CNDP2: variants seen among roughly 807,000 people sequenced by gnomAD.
The protein encoded by CNDP2 is carnosine dipeptidase 2, also known as cytosolic non-specific dipeptidase.
A neutral mutation model predicts 55.0 loss-of-function variants in CNDP2; 38 were observed. That is an observed-to-expected ratio of 0.69 (90% CI 0.53 to 0.90). CNDP2 has a LOEUF of 0.90. CNDP2 is among the 40% of genes least tolerant of loss of function. The probability of loss-of-function intolerance (pLI) is 0.00; values close to 1 mark genes in which losing one functional copy is unlikely to be tolerated. For missense variants in CNDP2, 607 were observed against 621.7 expected (o/e 0.98, Z 0.25); for synonymous variants, 241 against 260.2 (o/e 0.93, Z 0.71).
At chr18:74,502,160 A>G (rs12608037) in intron 3 of CNDP2, among the ~76,000 whole-genome samples, 28,149 of 152,196 alleles carry the variant, frequency 0.18, 2,808 homozygotes, top group East Asian at 0.29. Context: ...TGCTAGGATT[A>G]CAGGTGTGAG....
chr18:74,520,083 G>A lies in CNDP2; in HGVS notation c.*15G>A. 6.2e-7 allele frequency: 1 copy of A among 1,613,872 alleles called. No individual in the cohort carries two copies. Among genetic ancestry groups the A allele is most frequent in the Non-Finnish European group, 8.5e-7 (1 of 1,179,780 alleles). On this transcript the variant is annotated 3_prime_UTR_variant, in exon 12 of 12. Coordinates refer to ENST00000324262, the MANE Select transcript of CNDP2 (RefSeq NM_018235.3). ...TGAAGGACTAGGCCAAGCCCTCTGT[G>A]TGCCATCTCCAATGAGAAGGAATCC... is the stretch of plus-strand genomic sequence containing the variant.
rs368612111 is a variant in CNDP2 at position 74,516,361 on chromosome 18, C to T, written c.1037C>T (p.Pro346Leu). 94 of 1,613,380 alleles carry T rather than the reference C, an allele frequency of 5.8e-5. No individual in the cohort carries two copies. Among genetic ancestry groups the T allele is most frequent in the Admixed American group, 1.3e-4 (8 of 59,918 alleles). Residue 346 changes from proline (P) to leucine (L), a missense_variant, in exon 9 of 12, where the codon CCG becomes CTG. Coordinates refer to ENST00000324262, the MANE Select transcript of CNDP2 (RefSeq NM_018235.3). ...GGCAAGTTCTCCATCAGGCTCGTGC[C>T]GAACATGACTCCTGAAGTCGTCGGC... ...VVGKFSIRLV[P>L]NMTPEVVGEQ... is the part of the protein sequence containing the mutation.
At chr18:74,514,979 G>A (rs1277065078) in intron 8 of CNDP2, among the ~76,000 whole-genome samples, 1 of 152,180 alleles carries the variant, frequency 6.6e-6, no homozygotes, top group African/African-American at 2.4e-5. Flanking sequence ...GAGGGTCATG[G>A]TGCTGGGAGC....
rs370330885 is a variant in CNDP2, at chr18:74,518,933, T to C, written c.1211-16T>C. 48 of 1,537,916 alleles carry C rather than the reference T, an allele frequency of 3.1e-5. No homozygotes were observed. The highest frequency in any genetic ancestry group is 4.1e-5 in the Non-Finnish European group (47 of 1,149,008). ...GCCCCAAAGCTCACCGTTTATTTTA[T>C]TTCATTTCCCCCCAGTTTTTGGTGT... On this transcript the variant is annotated splice_polypyrimidine_tract_variant and intron_variant, in intron 10 of 11. Transcript: ENST00000324262.
intron 9 of CNDP2, 39 bp from the exon 10 acceptor site, chr18:74,518,460 T>C: frequency 6.2e-7 from 1 of 1,611,856 alleles, no homozygotes; most frequent in Non-Finnish European, 8.5e-7. Flanking sequence ...AATGCAAGCT[T>C]ATAAAGCATT....
intron 5 of CNDP2, chr18:74,509,166 T>C: frequency 2.0e-6 from 1 of 495,714 alleles, no homozygotes; most frequent in Non-Finnish European, 3.7e-6. Context: ...TATTGGCGAC[T>C]CAGCGTGATT....
chr18:74,505,325 G>A (rs565296539), intron 3 of CNDP2: 3 of 152,534 alleles, frequency 2.0e-5, no homozygotes, highest in African/African-American at 7.2e-5. Context: ...CCAGCCAGGT[G>A]CAGTGGCTCA....
rs890334 is a variant in CNDP2 at position 74,521,136 on chromosome 18, A to G, written c.*1068A>G. Reference sequence around the variant, plus strand: ...ATGACACCTCTAAAAGAATCGCTCCATCTCAGTTGCTCGTCGCGTGCACAC... The same window carrying G: ...ATGACACCTCTAAAAGAATCGCTCCGTCTCAGTTGCTCGTCGCGTGCACAC... On this transcript the variant is annotated 3_prime_UTR_variant, in exon 12 of 12. Transcript: ENST00000324262. 0.95 allele frequency: 144,796 copies of G among 152,280 alleles called. 69,175 individuals are homozygous for G. The highest frequency in any genetic ancestry group is 1 in the South Asian group (4,828 of 4,830). The allele number at this position is 152,280 out of a possible 1,614,324, so 9.4% of individuals were successfully genotyped here.
At chr18:74,519,180 C>T in intron 11 of CNDP2, 84 bp downstream of exon 11, 2 of 1,485,368 alleles carry the variant, frequency 1.3e-6, no homozygotes, top group East Asian at 2.3e-5. Flanking sequence ...TGTGCAGCTG[C>T]CAAGAGAAGC....
intron 8 of CNDP2, among the ~76,000 whole-genome samples, chr18:74,515,975 C>G (rs899345539): frequency 2.0e-5 from 3 of 152,226 alleles, no homozygotes; most frequent in Non-Finnish European, 2.9e-5. Context: ...TGGACCTGAG[C>G]CACCCACGCT....
intron 3 of CNDP2, among the ~76,000 whole-genome samples, chr18:74,502,810 G>A (rs1044658621): frequency 6.6e-6 from 1 of 152,142 alleles, no homozygotes; most frequent in Admixed American, 6.5e-5. Flanking sequence ...CAGCGCATTC[G>A]TTTCATCAGA....
intron 9 of CNDP2, 111 bp downstream of exon 9, chr18:74,516,503 T>A: frequency 9.2e-7 from 1 of 1,091,268 alleles, no homozygotes; most frequent in South Asian, 1.7e-5. Flanking sequence ...ATGCCCCCGC[T>A]TCCTGGCTCT....
Position 74,522,616 on chromosome 18 carries a change from GC to G in CNDP2, c.*2549del, listed in dbSNP as rs1166951941. 2.0e-5 allele frequency: 3 copies of G among 152,328 alleles called. No individual in the cohort carries two copies. Among genetic ancestry groups the G allele is most frequent in the Non-Finnish European group, 4.4e-5 (3 of 68,112 alleles). The allele number at this position is 152,328 out of a possible 1,614,324, so 9.4% of individuals were successfully genotyped here. On this transcript the variant is annotated 3_prime_UTR_variant, in exon 12 of 12. Transcript: ENST00000324262. ...GAGTGGGCTTGTTTGGCCTCCTCTT[GC>G]TCTCTCTACCCCTCTCTGAGCCCTT...
chr18:74,502,414 A>G (rs1443259903), intron 3 of CNDP2, among the ~76,000 whole-genome samples: 1 of 151,748 alleles, frequency 6.6e-6, no homozygotes, highest in Admixed American at 6.6e-5. Flanking sequence ...CTATCCATGA[A>G]GTTGAGTGAG....
chr18:74,508,550 A>G, intron 4 of CNDP2: 2 of 348,112 alleles, frequency 5.7e-6, no homozygotes, highest in South Asian at 9.3e-5. Flanking sequence ...GTTAGACTGG[A>G]GGTCTCCACC....
chr18:74,516,277 G>A lies in CNDP2; in HGVS notation c.953G>A (p.Gly318Asp). The A allele has an allele frequency of 1.2e-6, 2 of 1,614,042 alleles. No individual in the cohort carries two copies. Among genetic ancestry groups the A allele is most frequent in the Non-Finnish European group, 1.7e-6 (2 of 1,179,980 alleles). Residue 318 changes from glycine (G) to aspartate (D), a missense_variant, in exon 9 of 12, where the codon GGC becomes GAC. Gly to Asp is a moderately conservative substitution (Grantham distance 94). Transcript: ENST00000324262. ...RWRYPSLSLH[G>D]IEGAFSGSGA... Reference sequence around the variant, plus strand: ...CGGTACCCGTCTCTGTCCCTCCATGGCATCGAAGGCGCCTTCTCTGGGTCT... The same window carrying A: ...CGGTACCCGTCTCTGTCCCTCCATGACATCGAAGGCGCCTTCTCTGGGTCT...
At chr18:74,510,265 A>C (rs996711712) in intron 5 of CNDP2, among the ~76,000 whole-genome samples, 3 of 152,234 alleles carry the variant, frequency 2.0e-5, no homozygotes, top group Non-Finnish European at 4.4e-5. Context: ...GATGTTCTTT[A>C]GCCTGCCTGG....
intron 2 of CNDP2, among the ~76,000 whole-genome samples, chr18:74,500,865 A>G (rs537033120): frequency 6.6e-6 from 1 of 152,370 alleles, no homozygotes; most frequent in Non-Finnish European, 1.5e-5. Flanking sequence ...AGCAGGCAGT[A>G]CGTGACAGGG....
rs937100683 is a variant in CNDP2, at chr18:74,520,891, G to C, written c.*823G>C. ...GAGAGCTTGATGCTTTCTGCCTTCT[G>C]TCTCAGGTGATGCATTGCACATTTG... On this transcript the variant is annotated 3_prime_UTR_variant, in exon 12 of 12. Transcript: ENST00000324262. 6.6e-6 allele frequency: 1 copy of C among 152,206 alleles called. No homozygotes were observed. Among genetic ancestry groups the C allele is most frequent in the Admixed American group, 6.5e-5 (1 of 15,278 alleles). The allele number at this position is 152,206 out of a possible 1,614,324, so 9.4% of individuals were successfully genotyped here.
Sources: gnomAD v4.1 joint callset for allele counts (sites outside exome capture counted in the v4.1 genomes callset) on GRCh38, gnomAD v4.1.1 for gene constraint, MANE v1.5 for transcripts, NCBI Gene and HGNC (gene_info 2026-07-23, HGNC 2026-07-21) for gene names.